PEAK1: variants seen among roughly 807,000 people sequenced by gnomAD.
PEAK1 encodes the protein inactive tyrosine-protein kinase PEAK1.
PEAK1 carries 54 observed loss-of-function variants against 124.7 expected under a neutral mutation model. That is an observed-to-expected ratio of 0.43 (90% CI 0.35 to 0.54). The LOEUF (loss-of-function observed/expected upper bound fraction) is 0.54, where lower values mean the gene tolerates loss of function less well. PEAK1 is among the 20% of genes least tolerant of loss of function. The pLI, the probability that PEAK1 is intolerant of heterozygous loss-of-function variation, is 0.01. For synonymous variants in PEAK1, 719 were observed against 760.0 expected, an observed-to-expected ratio of 0.95 and a Z score of 0.89; for missense variants, 2,046 against 2,134.5, an observed-to-expected ratio of 0.96 and a Z score of 0.82.
chr15:77,239,763 C>T (rs920246791), intron 6 of PEAK1: 2 of 794,186 alleles, frequency 2.5e-6, no homozygotes, highest in African/African-American at 1.9e-5. Flanking sequence ...ACAGAGTATT[C>T]CTGTCACATA....
intron 5 of PEAK1, among the ~76,000 whole-genome samples, chr15:77,268,904 C>T (rs546437294): frequency 5.3e-4 from 80 of 152,120 alleles, no homozygotes; most frequent in African/African-American, 1.9e-3. Flanking sequence ...ATTTTGTATG[C>T]AACAAAACTA....
At chr15:77,207,508 AG>A (rs1484363619) in intron 6 of PEAK1, among the ~76,000 whole-genome samples, 2 of 152,248 alleles carry the variant, frequency 1.3e-5, no homozygotes, top group Non-Finnish European at 2.9e-5. Context: ...TACCAAGCCA[AG>A]AAAAGACAAA....
intron 8 of PEAK1, among the ~76,000 whole-genome samples, chr15:77,148,945 AT>A (rs925185802): frequency 6.6e-6 from 1 of 152,094 alleles, no homozygotes; most frequent in Non-Finnish European, 1.5e-5. Flanking sequence ...AATTTAAAGT[AT>A]TTTTTTAAAA....
At chr15:77,299,732 C>A (rs1379785485) in intron 2 of PEAK1, among the ~76,000 whole-genome samples, 2 of 152,170 alleles carry the variant, frequency 1.3e-5, no homozygotes, top group Non-Finnish European at 2.9e-5. Flanking sequence ...AAAGAAGTGT[C>A]ATAGAAATGC....
intron 1 of PEAK1, chr15:77,402,613 A>G (rs2071467797): frequency 1.0e-6 from 1 of 984,190 alleles, no homozygotes; most frequent in Non-Finnish European, 1.2e-6. Flanking sequence ...ATGAAGGTAC[A>G]AAGTGGGGGC....
At chr15:77,280,391 CAAAAT>C (rs1458433745) in intron 5 of PEAK1, among the ~76,000 whole-genome samples, 2 of 151,992 alleles carry the variant, frequency 1.3e-5, no homozygotes, top group Admixed American at 6.6e-5. Context: ...AAATTAACAA[CAAAAT>C]AAAATAATTT....
intron 1 of PEAK1, among the ~76,000 whole-genome samples, chr15:77,415,884 T>C (rs1395535899): frequency 1.3e-5 from 2 of 152,178 alleles, no homozygotes; most frequent in Non-Finnish European, 2.9e-5. Flanking sequence ...AGTGGCTCTT[T>C]CCAGGCTCAC....
At chr15:77,153,047 T>C (rs1156793710) in intron 8 of PEAK1, among the ~76,000 whole-genome samples, 2 of 152,168 alleles carry the variant, frequency 1.3e-5, no homozygotes, top group Admixed American at 1.3e-4. Flanking sequence ...TTGATTGGAA[T>C]AGTTTCAGAA....
At chr15:77,333,253 G>C in intron 2 of PEAK1, 1 of 927,330 alleles carries the variant, frequency 1.1e-6, no homozygotes, top group Non-Finnish European at 1.3e-6. Flanking sequence ...CTAAAGTGCT[G>C]GGATTACAGG....
intron 1 of PEAK1, among the ~76,000 whole-genome samples, chr15:77,407,238 A>G (rs1203993447): frequency 3.3e-5 from 5 of 152,196 alleles, no homozygotes; most frequent in Non-Finnish European, 7.3e-5. Context: ...AGAACCCAAA[A>G]GCAAGTGCAA....
chr15:77,252,069 C>T (rs2060908081), intron 6 of PEAK1, among the ~76,000 whole-genome samples: 1 of 152,216 alleles, frequency 6.6e-6, no homozygotes, highest in African/African-American at 2.4e-5. Context: ...CCCTCATGGG[C>T]TAAGCTCTGC....
Position 77,133,830 on chromosome 15 carries a change from A to G in PEAK1, c.3332-80T>C. 1 of 1,419,970 alleles carries G rather than the reference A, an allele frequency of 7.0e-7. No individual in the cohort carries two copies. Among genetic ancestry groups the G allele is most frequent in the South Asian group, 1.5e-5 (1 of 66,980 alleles). 88.0% of individuals were successfully genotyped at this position (1,419,970 alleles called of 1,614,324 possible). ...ATTTTATAACTGAAACTTGAGCAGA[A>G]ATGAGTGAGGTAGCCATGGGAATGT... On this transcript the variant is annotated intron_variant, in intron 8 of 9. Coordinates refer to ENST00000682557, the MANE Select transcript of PEAK1 (RefSeq NM_001385026.1). The surrounding 1 kb of genome is among the most constrained non-coding windows in gnomAD (Gnocchi z 4.2).
In PEAK1 at chr15:77,169,874, G is replaced by A. The variant is rs112587699; in HGVS notation, c.3137+8916C>T. ...TGAATGGAGGGCCATTTACCAAGAAGGGAAGAGTTGTGATGGAACAGATTT... is the reference window on the plus strand; with the variant it reads ...TGAATGGAGGGCCATTTACCAAGAAAGGAAGAGTTGTGATGGAACAGATTT... On this transcript the variant is annotated intron_variant, in intron 7 of 9. Transcript: ENST00000682557. Among the ~76,000 whole-genome samples, 753 of 152,256 alleles carry A rather than the reference G, an allele frequency of 4.9e-3. 8 individuals carry two copies. Among genetic ancestry groups the A allele is most frequent in the African/African-American group, 0.017 (703 of 41,556 alleles).
intron 2 of PEAK1, among the ~76,000 whole-genome samples, chr15:77,330,052 C>T (rs1214798573): frequency 1.3e-5 from 2 of 151,844 alleles, no homozygotes; most frequent in Non-Finnish European, 2.9e-5. Flanking sequence ...GCACATAATA[C>T]TCTGAAATCA....
intron 5 of PEAK1, among the ~76,000 whole-genome samples, chr15:77,269,126 A>G (rs1314869823): frequency 6.6e-6 from 1 of 152,128 alleles, no homozygotes; most frequent in African/African-American, 2.4e-5. Context: ...AAAGGTATTC[A>G]GGCAATATAT....
At chr15:77,393,532 G>A (rs1231466517) in intron 1 of PEAK1, among the ~76,000 whole-genome samples, 1 of 152,182 alleles carries the variant, frequency 6.6e-6, no homozygotes, top group Non-Finnish European at 1.5e-5. Flanking sequence ...TGAGCCAGAA[G>A]AGAACCCACT....
At chr15:77,119,323 C>G (rs1015385697) in intron 9 of PEAK1, among the ~76,000 whole-genome samples, 8 of 152,198 alleles carry the variant, frequency 5.3e-5, no homozygotes, top group African/African-American at 1.9e-4. Flanking sequence ...ACATGAATAA[C>G]CTACAGTTGC....
At chr15:77,257,319 T>C (rs559050032) in intron 5 of PEAK1, among the ~76,000 whole-genome samples, 11,344 of 150,616 alleles carry the variant, frequency 0.075, 516 homozygotes, top group Non-Finnish European at 0.1. Context: ...TCCACAATGG[T>C]TGAACTAGTT....
intron 2 of PEAK1, among the ~76,000 whole-genome samples, chr15:77,361,874 T>C (rs1449239700): frequency 6.6e-6 from 1 of 151,560 alleles, no homozygotes; most frequent in African/African-American, 2.4e-5. Context: ...AATATATATA[T>C]ACCAGAGAAT....
Sources: allele counts gnomAD v4.1 joint callset (sites outside exome capture counted in the v4.1 genomes callset), GRCh38; gene constraint gnomAD v4.1.1; non-coding constraint Gnocchi (gnomAD v3.1); transcripts MANE v1.5; gene names NCBI Gene and HGNC (gene_info 2026-07-23, HGNC 2026-07-21).